The following UBR1 variants were observed in gnomAD, a reference collection of about 807,000 sequenced individuals.
UBR1 encodes the protein E3 ubiquitin-protein ligase UBR1.
In UBR1, 102 loss-of-function variants were observed where a neutral mutation model predicts 242.1. The ratio of observed to expected loss-of-function variants is 0.42; its 90% CI spans 0.36 to 0.50. UBR1 has a LOEUF of 0.50. Ranked by LOEUF, UBR1 falls within the 20% of genes least tolerant of loss-of-function variation. The pLI is 0.01. For missense variants in UBR1, 1,772 were observed against 2,101.8 expected (o/e 0.84, Z 3.07); for synonymous variants, 675 against 684.8 (o/e 0.99, Z 0.22).
chr15:43,027,692 C>G, intron 22 of UBR1, 84 bp downstream of exon 22: 1 of 1,322,050 alleles, frequency 7.6e-7, no homozygotes, highest in Non-Finnish European at 1.1e-6. Flanking sequence ...CAGGCAAGAA[C>G]TTCAGAGCTT....
At chr15:42,946,717 A>T (rs1041203151) in intron 46 of UBR1, among the ~76,000 whole-genome samples, 3 of 152,196 alleles carry the variant, frequency 2.0e-5, no homozygotes, top group African/African-American at 4.8e-5. Flanking sequence ...TACTTTTGAG[A>T]TCACTGTCAG....
chr15:43,015,362 G>A (rs938128844), intron 29 of UBR1, among the ~76,000 whole-genome samples: 3 of 152,124 alleles, frequency 2.0e-5, no homozygotes, highest in Middle Eastern at 6.8e-3. Context: ...TGTGCTCTCT[G>A]AAACATGTGC....
chr15:43,085,308 G>A (rs940217467), intron 2 of UBR1, among the ~76,000 whole-genome samples: 8 of 152,198 alleles, frequency 5.3e-5, no homozygotes, highest in Non-Finnish European at 1.0e-4. Flanking sequence ...TGACTCTGCT[G>A]GGGAAGTATT....
intron 5 of UBR1, 148 bp from the exon 6 acceptor site, chr15:43,068,184 ATTTTT>A (rs545130203): frequency 1.1e-3 from 287 of 254,318 alleles, no homozygotes; most frequent in Middle Eastern, 2.9e-3. Flanking sequence ...ATAGAATTTG[ATTTTT>A]TTTTTTTTTT....
chr15:43,010,221 C>T (rs532439367), intron 29 of UBR1, among the ~76,000 whole-genome samples: 1 of 151,982 alleles, frequency 6.6e-6, no homozygotes, highest in South Asian at 2.1e-4. Context: ...GTACCACCTC[C>T]TAGGAGGCAT....
intron 15 of UBR1, among the ~76,000 whole-genome samples, chr15:43,038,590 T>C (rs2033369963): frequency 6.6e-6 from 1 of 152,112 alleles, no homozygotes; most frequent in Admixed American, 6.6e-5. Flanking sequence ...TGAGACTCCG[T>C]CTTAAAAAAG....
chr15:42,967,654 G>T (rs1218881898), intron 40 of UBR1, among the ~76,000 whole-genome samples: 5 of 151,938 alleles, frequency 3.3e-5, no homozygotes, highest in African/African-American at 7.2e-5. Flanking sequence ...TTAGTCAATT[G>T]TAACAAATGG....
chr15:43,080,537 A>G (rs2033963643), intron 3 of UBR1, among the ~76,000 whole-genome samples: 1 of 152,224 alleles, frequency 6.6e-6, no homozygotes. Context: ...ATGACTTGAT[A>G]GCTCCTTTCT....
intron 43 of UBR1, among the ~76,000 whole-genome samples, chr15:42,958,918 C>T (rs1307884848): frequency 1.3e-5 from 2 of 152,304 alleles, no homozygotes; most frequent in East Asian, 1.9e-4. Flanking sequence ...GCAACGTCCG[C>T]GTCCTGGGTT....
At chr15:43,071,916 G>A (rs2033829029) in intron 4 of UBR1, among the ~76,000 whole-genome samples, 1 of 152,158 alleles carries the variant, frequency 6.6e-6, no homozygotes, top group Non-Finnish European at 1.5e-5. Context: ...TGGCCAAGAT[G>A]TAAAAAATAA....
chr15:43,016,710 G>A (rs563060520), intron 28 of UBR1, among the ~76,000 whole-genome samples: 1 of 152,232 alleles, frequency 6.6e-6, no homozygotes, highest in South Asian at 2.1e-4. Context: ...CCGAGTAGCT[G>A]GGACTACATG....
At chr15:43,004,204 T>C (rs2032768311) in intron 30 of UBR1, among the ~76,000 whole-genome samples, 1 of 152,262 alleles carries the variant, frequency 6.6e-6, no homozygotes, top group African/African-American at 2.4e-5. Context: ...ATCTTGGTTA[T>C]TTAAGTGATC....
At position 43,023,851 on chromosome 15, in the gene UBR1, G is replaced by A. The variant is rs114063344; in HGVS notation, c.2739+978C>T. ...ATGTAAAGGTATATACCAACTATTA[G>A]GAATTAGTATGACAAATACGCTCCC... On this transcript the variant is annotated intron_variant, in intron 25 of 46. Coordinates refer to ENST00000290650, the MANE Select transcript of UBR1 (RefSeq NM_174916.3). Among the ~76,000 whole-genome samples the A allele has an allele frequency of 8.6e-3, 1,305 of 152,194 alleles. 20 individuals are homozygous for A. The highest frequency in any genetic ancestry group is 0.03 in the African/African-American group (1,235 of 41,518).
At chr15:42,963,556 T>C (rs2032056358) in intron 42 of UBR1, among the ~76,000 whole-genome samples, 1 of 152,120 alleles carries the variant, frequency 6.6e-6, no homozygotes, top group Admixed American at 6.5e-5. Context: ...TCTCAGTCAC[T>C]CTCCTGATAC....
intron 1 of UBR1, among the ~76,000 whole-genome samples, chr15:43,087,646 T>C (rs1281586286): frequency 6.6e-6 from 1 of 152,170 alleles, no homozygotes; most frequent in East Asian, 1.9e-4. Context: ...TAAAGGGCAA[T>C]TTGTAGACAG....
chr15:43,026,204 C>G (rs2033176435), intron 23 of UBR1: 1 of 241,170 alleles, frequency 4.1e-6, no homozygotes, highest in South Asian at 4.9e-5. Flanking sequence ...TACGTTCCAG[C>G]CTGGACAACA....
chr15:42,998,033 G>C (rs1232780465), intron 33 of UBR1, 135 bp downstream of exon 33: 2 of 783,476 alleles, frequency 2.6e-6, no homozygotes, highest in African/African-American at 3.5e-5. Flanking sequence ...CTTATTTTTA[G>C]CTTCAAAAAC....
intron 3 of UBR1, among the ~76,000 whole-genome samples, chr15:43,078,912 G>T (rs2033940008): frequency 6.6e-6 from 1 of 151,572 alleles, no homozygotes; most frequent in Non-Finnish European, 1.5e-5. Flanking sequence ...AGACTTAATT[G>T]AACTCAGGAA....
rs115670706 is a variant in UBR1, at chr15:43,078,715, C to T, written c.418-3626G>A. On this transcript the variant is annotated intron_variant, in intron 3 of 46. Coordinates refer to ENST00000290650, the MANE Select transcript of UBR1 (RefSeq NM_174916.3). ...AGGCACAGTGGCTCATGCCTGCAATCCCAATGCTTTGGGAGGTTTGAAGTG... is the reference window on the plus strand; with the variant it reads ...AGGCACAGTGGCTCATGCCTGCAATTCCAATGCTTTGGGAGGTTTGAAGTG... Among the ~76,000 whole-genome samples, 1,453 of 152,194 alleles carry T rather than the reference C, an allele frequency of 9.5e-3. 17 individuals are homozygous for T. The highest frequency in any genetic ancestry group is 0.033 in the African/African-American group (1,383 of 41,526).
Sources: allele counts gnomAD v4.1 joint callset (sites outside exome capture counted in the v4.1 genomes callset), GRCh38; gene constraint gnomAD v4.1.1; transcripts MANE v1.5; gene names NCBI Gene and HGNC (gene_info 2026-07-23, HGNC 2026-07-21).